FYB1: variants seen among roughly 807,000 people sequenced by gnomAD.
FYB1 encodes FYN binding protein 1.
Under a neutral mutation model 94.1 loss-of-function variants are expected in FYB1, and 41 were observed. That is an observed-to-expected ratio of 0.44 (90% confidence interval 0.34 to 0.57). The LOEUF (loss-of-function observed/expected upper bound fraction) is 0.57. Among genes scored for constraint, FYB1 ranks in the 20% least tolerant of loss-of-function variants. FYB1 has a pLI of 0.02. For synonymous variants in FYB1, 367 were observed against 353.2 expected (o/e 1.04, Z -0.44); for missense variants, 1,050 against 976.8 (o/e 1.07, Z -1.00).
At position 39,169,778 on chromosome 5, in the gene FYB1, A is replaced by C. The variant is rs1049380453; in HGVS notation, c.1136-16174T>G. 1.2e-4 allele frequency: 59 copies of C among 494,094 alleles called. 2 individuals carry two copies. The Middle Eastern group carries it at 1.7e-3, about 14-fold the overall frequency. 30.6% of individuals were successfully genotyped at this position (494,094 alleles called of 1,614,324 possible). A position where few individuals can be genotyped will look rare whatever the true frequency, so the allele number is the denominator to read the frequency against. On this transcript the variant is annotated intron_variant, in intron 2 of 18. Coordinates refer to ENST00000512982, the MANE Select transcript of FYB1 (RefSeq NM_001465.6). ...TTGGGATGTGCTCAGTGCAGGCAGC[A>C]TTTGATGATGCATTTTCCAAAAGAA...
In FYB1 at chr5:39,207,864, G is replaced by C. The variant is rs574978046; in HGVS notation, c.-27-4877C>G. 1.6e-4 allele frequency among the ~76,000 whole-genome samples: 25 copies of C among 152,268 alleles called. No homozygotes were observed. In the South Asian group the frequency reaches 4.1e-3, roughly 25 times the overall value. On this transcript the variant is annotated intron_variant, in intron 1 of 18. Transcript: ENST00000512982. Reference sequence around the variant, plus strand: ...AAAATGACCAGCCAGGGAAGGGGTTGGGTAGAGGCCAGGGATGCTGCACAT... The same window carrying C: ...AAAATGACCAGCCAGGGAAGGGGTTCGGTAGAGGCCAGGGATGCTGCACAT...
chr5:39,231,680 G>C (rs1257092928), intron 1 of FYB1, among the ~76,000 whole-genome samples: 1 of 151,446 alleles, frequency 6.6e-6, no homozygotes, highest in Non-Finnish European at 1.5e-5. Context: ...CTAATAAGGA[G>C]GTGCTCAGAC....
chr5:39,263,709 TC>T (rs1752318824), intron 1 of FYB1, among the ~76,000 whole-genome samples: 1 of 152,184 alleles, frequency 6.6e-6, no homozygotes, highest in Non-Finnish European at 1.5e-5. Context: ...TAGGACCTGT[TC>T]CCCTCAGAAA....
In FYB1 at chr5:39,202,538, A is replaced by C. The variant is rs536980773; in HGVS notation, c.423T>G (p.Ser141Arg). The change falls in exon 2 of 19, where the codon AGT becomes AGG. Residue 141 changes from serine (S) to arginine (R), a missense_variant. By Grantham distance (110) the Ser-to-Arg change is moderately radical. Coordinates refer to ENST00000512982, the MANE Select transcript of FYB1 (RefSeq NM_001465.6). ...GCTTTAAGTCATGGTCTTGGTTTAC[A>C]CTGTGAAGAGATGGCTTGTTTCCAG... ...WPPGNKPSLH[S>R]VNQDHDLKPL... 140 of 1,613,978 alleles carry C rather than the reference A, an allele frequency of 8.7e-5. 1 individual carries two copies. The South Asian group carries it at 1.2e-3, about 14-fold the overall frequency.
At chr5:39,148,196 T>A (rs1433348526) in intron 3 of FYB1, among the ~76,000 whole-genome samples, 2 of 86,168 alleles carry the variant, frequency 2.3e-5, no homozygotes, top group Non-Finnish European at 4.2e-5. Context: ...TATATATATA[T>A]ATATATATAT....
chr5:39,116,643 G>A (rs1739594796), intron 16 of FYB1, among the ~76,000 whole-genome samples: 1 of 152,140 alleles, frequency 6.6e-6, no homozygotes, highest in African/African-American at 2.4e-5. Flanking sequence ...TCTCTTCTCT[G>A]AATTTCTCTC....
At chr5:39,121,302 A>T (rs1439484945) in intron 14 of FYB1, among the ~76,000 whole-genome samples, 2 of 152,022 alleles carry the variant, frequency 1.3e-5, no homozygotes, top group East Asian at 3.9e-4. Context: ...TGGAGAATTA[A>T]AAAAAGGGCA....
intron 11 of FYB1, 129 bp downstream of exon 11, chr5:39,127,612 A>C: frequency 1.0e-6 from 1 of 1,002,584 alleles, no homozygotes; most frequent in Non-Finnish European, 1.4e-6. Context: ...TGTTAATTAA[A>C]CATTCAAATC....
chr5:39,233,981 T>C (rs1056445761), intron 1 of FYB1, among the ~76,000 whole-genome samples: 3 of 152,122 alleles, frequency 2.0e-5, no homozygotes, highest in African/African-American at 4.8e-5. Flanking sequence ...TGGATGACAT[T>C]TTGAGAACCA....
rs1750877678 is a variant in FYB1 at position 39,234,580 on chromosome 5, G to GCT, written c.-27-31594_-27-31593insAG. ...GGATTATAAATCATGCTACTATAAA[G>GCT]ACACATGTACACATATGTTTATTGC... On this transcript the variant is annotated intron_variant, in intron 1 of 1. Transcript: ENST00000510188. 5.3e-5 allele frequency among the ~76,000 whole-genome samples: 8 copies of GCT among 152,210 alleles called. No individual in the cohort carries two copies. The South Asian group carries it at 1.7e-3, about 32-fold the overall frequency.
intron 2 of FYB1, among the ~76,000 whole-genome samples, chr5:39,163,135 A>G (rs1433383450): frequency 2.0e-5 from 3 of 152,214 alleles, no homozygotes; most frequent in Admixed American, 2.0e-4. Context: ...TCACAGACTT[A>G]GAAAATCTAG....
intron 3 of FYB1, among the ~76,000 whole-genome samples, chr5:39,149,212 A>T (rs1382001823): frequency 6.6e-6 from 1 of 152,210 alleles, no homozygotes; most frequent in African/African-American, 2.4e-5. Context: ...TTACACTCTT[A>T]AAACATCCTG....
rs1446324149 is a variant in FYB1, at chr5:39,217,469, T to TA, written c.-28+1973dup. ...GCCAGCTTCTGCAGCAGCTTGCTCT[T>TA]AAAAAACAGTCACAACAAGAACAGA... On this transcript the variant is annotated intron_variant, in intron 1 of 18. Coordinates refer to ENST00000512982, the MANE Select transcript of FYB1 (RefSeq NM_001465.6). Among the ~76,000 whole-genome samples the TA allele has an allele frequency of 2.6e-5, 4 of 152,164 alleles. 1 individual carries two copies. The South Asian group carries it at 8.3e-4, about 32-fold the overall frequency.
chr5:39,162,881 A>G (rs1744385807), intron 2 of FYB1, among the ~76,000 whole-genome samples: 3 of 152,176 alleles, frequency 2.0e-5, no homozygotes, highest in African/African-American at 7.2e-5. Flanking sequence ...ATTCTTTCAT[A>G]TGTTTATAAG....
chr5:39,220,251 T>TA (rs201358486), upstream of FYB1, among the ~76,000 whole-genome samples: 19 of 147,238 alleles, frequency 1.3e-4, no homozygotes, highest in East Asian at 5.9e-4. Context: ...TCTACAAAAA[T>TA]AAAAAAAAAA....
chr5:39,149,491 T>C (rs2150351858), intron 3 of FYB1, among the ~76,000 whole-genome samples: 1 of 152,340 alleles, frequency 6.6e-6, no homozygotes, highest in South Asian at 2.1e-4. Flanking sequence ...ACAAAAGTGC[T>C]GTTATTTCCA....
intron 2 of FYB1, among the ~76,000 whole-genome samples, chr5:39,179,852 A>T (rs1410543329): frequency 4.6e-5 from 7 of 151,554 alleles, no homozygotes; most frequent in Non-Finnish European, 8.8e-5. Flanking sequence ...CCTCTCCTCA[A>T]CCTATATCCT....
intron 1 of FYB1, among the ~76,000 whole-genome samples, chr5:39,266,807 C>G (rs1377717549): frequency 6.6e-6 from 1 of 152,166 alleles, no homozygotes; most frequent in Non-Finnish European, 1.5e-5. Context: ...TAGGAAAACT[C>G]ATAGTGACCA....
chr5:39,110,396 AG>A lies in FYB1; in HGVS notation c.2402-8del, dbSNP rs1395743309. ...CTCCGAAGGACATAACCATCTACGA[AG>A]GAAAAAGGAAATAAATTGTATCAAT... On this transcript the variant is annotated splice_polypyrimidine_tract_variant and splice_region_variant and intron_variant, in intron 16 of 18. Coordinates refer to ENST00000512982, the MANE Select transcript of FYB1 (RefSeq NM_001465.6). 1 of 1,579,398 alleles carries A rather than the reference AG, an allele frequency of 6.3e-7. No individual in the cohort carries two copies. The highest frequency in any genetic ancestry group is 1.4e-5 in the African/African-American group (1 of 73,960).
Sources: allele counts gnomAD v4.1 joint callset (sites outside exome capture counted in the v4.1 genomes callset), GRCh38; gene constraint gnomAD v4.1.1; transcripts MANE v1.5; gene names NCBI Gene and HGNC (gene_info 2026-07-23, HGNC 2026-07-21).